The following SLC8A1 variants were observed in gnomAD, a reference collection of about 807,000 sequenced individuals.
The protein encoded by SLC8A1 is sodium/calcium exchanger 1.
Under a neutral mutation model 68.3 loss-of-function variants are expected in SLC8A1, and 18 were observed. That is an observed-to-expected ratio of 0.26 (90% CI 0.18 to 0.39). SLC8A1 has a LOEUF of 0.39. Ranked by LOEUF, SLC8A1 falls within the 10% of genes least tolerant of loss-of-function variation. The pLI, the probability that SLC8A1 is intolerant of heterozygous loss-of-function variation, is 1.00. For missense variants in SLC8A1, 985 were observed against 1,156.7 expected (o/e 0.85, Z 2.15); for synonymous variants, 475 against 415.5 (o/e 1.14, Z -1.74).
exon 8 of SLC8A1, chr2:40,103,464 C>G (rs1157029965): frequency 6.6e-6 from 1 of 152,178 alleles, no homozygotes; most frequent in African/African-American, 2.4e-5. Context: ...AATTTTTTCT[C>G]ATCTTCCTTT....
intron 2 of SLC8A1, among the ~76,000 whole-genome samples, chr2:40,214,944 G>A (rs986555671): frequency 1.1e-4 from 17 of 151,972 alleles, no homozygotes; most frequent in African/African-American, 2.2e-4. Flanking sequence ...TGATTTTACC[G>A]GATCAATTCT....
chr2:40,229,109 G>A (rs2059336370), intron 2 of SLC8A1, among the ~76,000 whole-genome samples: 1 of 151,998 alleles, frequency 6.6e-6, no homozygotes, highest in African/African-American at 2.4e-5. Flanking sequence ...AAGCTGAAAT[G>A]ATTTCTAGCT....
chr2:40,464,296 AC>A (rs2149896537), intron 1 of SLC8A1, among the ~76,000 whole-genome samples: 1 of 152,322 alleles, frequency 6.6e-6, no homozygotes, highest in African/African-American at 2.4e-5. Flanking sequence ...GTAAACAAAA[AC>A]AGCACTGGCT....
chr2:40,310,740 A>C (rs1267909951), intron 2 of SLC8A1, among the ~76,000 whole-genome samples: 1 of 151,980 alleles, frequency 6.6e-6, no homozygotes, highest in African/African-American at 2.4e-5. Flanking sequence ...ATCTCCCTCC[A>C]CTCAGTAGAA....
intron 2 of SLC8A1, among the ~76,000 whole-genome samples, chr2:40,415,701 T>C (rs1242232431): frequency 6.6e-6 from 1 of 151,914 alleles, no homozygotes; most frequent in Non-Finnish European, 1.5e-5. Flanking sequence ...AGAAAAGCAA[T>C]CTCAACCAGG....
At chr2:40,253,281 TATATATGTGTATATACACATATATACAC>T (rs1195996038) in intron 2 of SLC8A1, among the ~76,000 whole-genome samples, 9 of 150,028 alleles carry the variant, frequency 6.0e-5, no homozygotes, top group Non-Finnish European at 1.2e-4. Context: ...ACATATGACG[TATATATGTGTATATACACATATATACAC>T]ATATATACAC....
chr2:40,169,908 G>A (rs1442721282), intron 4 of SLC8A1, among the ~76,000 whole-genome samples: 1 of 152,170 alleles, frequency 6.6e-6, no homozygotes, highest in African/African-American at 2.4e-5. Context: ...TTCCACCACT[G>A]CACTCCAGCT....
chr2:40,377,407 C>T (rs991435095), intron 2 of SLC8A1, among the ~76,000 whole-genome samples: 1 of 152,202 alleles, frequency 6.6e-6, no homozygotes, highest in East Asian at 1.9e-4. Context: ...ACTGCATGGT[C>T]TTCTAATCCA....
At chr2:40,133,146 C>T (rs2039729918) in intron 7 of SLC8A1, among the ~76,000 whole-genome samples, 1 of 152,122 alleles carries the variant, frequency 6.6e-6, no homozygotes, top group Non-Finnish European at 1.5e-5. Flanking sequence ...TAAAGCCATG[C>T]AGTAAGTAAG....
intron 2 of SLC8A1, among the ~76,000 whole-genome samples, chr2:40,362,273 G>GA (rs1674850539): frequency 6.6e-6 from 1 of 150,662 alleles, no homozygotes; most frequent in South Asian, 2.1e-4. Context: ...ACTGGAAAAT[G>GA]GAAAAAGAAA....
chr2:40,258,813 G>C (rs376426715), intron 2 of SLC8A1, among the ~76,000 whole-genome samples: 3 of 151,970 alleles, frequency 2.0e-5, no homozygotes, highest in African/African-American at 7.2e-5. Flanking sequence ...CTGCACACCA[G>C]CCTGGGCAAC....
At chr2:40,473,662 G>C (rs1349891207) in intron 1 of SLC8A1, among the ~76,000 whole-genome samples, 1 of 152,214 alleles carries the variant, frequency 6.6e-6, no homozygotes, top group Admixed American at 6.5e-5. Context: ...ACACAGAGCA[G>C]TCTTGCTGTC....
At chr2:40,426,866 C>A (rs1697001458) in intron 2 of SLC8A1, among the ~76,000 whole-genome samples, 7 of 151,736 alleles carry the variant, frequency 4.6e-5, no homozygotes. Flanking sequence ...AAAATATAAT[C>A]AATAGGGAAA....
At chr2:40,426,934 C>A (rs549693292) in intron 2 of SLC8A1, among the ~76,000 whole-genome samples, 2 of 151,834 alleles carry the variant, frequency 1.3e-5, no homozygotes, top group Non-Finnish European at 2.9e-5. Flanking sequence ...CATGAACTTT[C>A]CAATGCAAGA....
At chr2:40,309,913 T>G (rs1026623493) in intron 2 of SLC8A1, among the ~76,000 whole-genome samples, 1 of 152,156 alleles carries the variant, frequency 6.6e-6, no homozygotes, top group Non-Finnish European at 1.5e-5. Context: ...CCATCACCAT[T>G]CTCTAATTCC....
At chr2:40,428,799 A>G in exon 2 of SLC8A1, 1 of 1,613,842 alleles carries the variant, frequency 6.2e-7, no homozygotes, top group South Asian at 1.1e-5. Context: ...CATTGCTGAG[A>G]TGCACAAGGA....
At chr2:40,191,866 G>C (rs1463184281) in intron 2 of SLC8A1, among the ~76,000 whole-genome samples, 1 of 152,122 alleles carries the variant, frequency 6.6e-6, no homozygotes, top group Admixed American at 6.6e-5. Context: ...ATCTTATAGG[G>C]AAACGTTGTT....
At chr2:40,215,614 G>C (rs1003849006) in intron 2 of SLC8A1, among the ~76,000 whole-genome samples, 1 of 144,052 alleles carries the variant, frequency 6.9e-6, no homozygotes, top group East Asian at 2.0e-4. Flanking sequence ...TCCGCAGTCC[G>C]GCCTGGGCGA....
intron 3 of SLC8A1, chr2:40,175,279 G>C: frequency 6.2e-7 from 1 of 1,612,906 alleles, no homozygotes; most frequent in African/African-American, 1.3e-5. Context: ...TTCAATAACA[G>C]GGCTGTGAAG....
Sources: allele counts gnomAD v4.1 joint callset (sites outside exome capture counted in the v4.1 genomes callset), GRCh38; gene constraint gnomAD v4.1.1; transcripts MANE v1.5; gene names NCBI Gene and HGNC (gene_info 2026-07-23, HGNC 2026-07-21).